Variants in CTNNA2 observed in about 807,000 individuals in gnomAD.
The protein encoded by CTNNA2 is catenin alpha 2, also known as catenin alpha-2.
Under a neutral mutation model 101.0 loss-of-function variants are expected in CTNNA2, and 42 were observed. The observed-to-expected ratio is 0.42, with a 90% CI of 0.32 to 0.54. The LOEUF (loss-of-function observed/expected upper bound fraction) is 0.54. Among genes scored for constraint, CTNNA2 ranks in the 20% least tolerant of loss-of-function variants. The probability of loss-of-function intolerance (pLI) is 0.14; values close to 1 mark genes in which losing one functional copy is unlikely to be tolerated. For synonymous variants in CTNNA2, 450 were observed against 456.4 expected, an observed-to-expected ratio of 0.99 and a Z score of 0.18; for missense variants, 871 against 1,223.1, an observed-to-expected ratio of 0.71 and a Z score of 4.29.
chr2:79,185,380 C>A (rs1040708223), exon 1 of CTNNA2: 2 of 151,648 alleles, frequency 1.3e-5, no homozygotes, highest in Non-Finnish European at 2.9e-5. Flanking sequence ...TTGTGCTAGT[C>A]CATCTCAAAT....
At chr2:79,292,728 G>GAGCTAACAAATAAC (rs1287902239) in intron 2 of CTNNA2, among the ~76,000 whole-genome samples, 1 of 152,198 alleles carries the variant, frequency 6.6e-6, no homozygotes, top group Non-Finnish European at 1.5e-5. Flanking sequence ...TTAGAGATCA[G>GAGCTAACAAATAAC]AGCTAACAAA....
chr2:79,539,120 A>G (rs1673249550), intron 1 of CTNNA2, among the ~76,000 whole-genome samples: 1 of 152,232 alleles, frequency 6.6e-6, no homozygotes, highest in African/African-American at 2.4e-5. Flanking sequence ...CAGCAGACAG[A>G]GACCTGGGAG....
At chr2:79,545,629 A>T (rs551175175) in intron 1 of CTNNA2, among the ~76,000 whole-genome samples, 38 of 152,088 alleles carry the variant, frequency 2.5e-4, no homozygotes, top group Middle Eastern at 3.4e-3. Context: ...TTCTTTTTTT[A>T]AAAAAAATAT....
chr2:79,331,210 T>C (rs534068017), intron 3 of CTNNA2, among the ~76,000 whole-genome samples: 127 of 152,212 alleles, frequency 8.3e-4, no homozygotes, highest in African/African-American at 2.3e-3. Flanking sequence ...CTACCCACAC[T>C]CCCTGCCAGT....
chr2:80,163,168 A>G lies in CTNNA2; in HGVS notation c.1057-230043A>G, dbSNP rs535857631. 7.6e-6 allele frequency: 11 copies of G among 1,450,868 alleles called. No individual in the cohort carries two copies. The African/African-American group carries it at 1.1e-4, about 15-fold the overall frequency. 89.9% of individuals were successfully genotyped at this position (1,450,868 alleles called of 1,614,324 possible). On this transcript the variant is annotated intron_variant, in intron 7 of 18. Transcript: ENST00000402739. ...GCCCAGCCTGGTGGAAAACCTCGAAAAGGAGCTCCTCGGTCACTTTCATTT... is the reference window on the plus strand; with the variant it reads ...GCCCAGCCTGGTGGAAAACCTCGAAGAGGAGCTCCTCGGTCACTTTCATTT...
Position 79,908,821 on chromosome 2 carries a change from T to G in CTNNA2, c.853-773T>G, listed in dbSNP as rs545977977. Among the ~76,000 whole-genome samples, 4 of 152,322 alleles carry G rather than the reference T, an allele frequency of 2.6e-5. No individual in the cohort carries two copies. In the South Asian group the frequency reaches 8.3e-4, roughly 32 times the overall value. ...AGATCCCTATAAAGACTGTTATAGC[T>G]CCTGAATTTTGGACGCATATTTCCA... is the stretch of plus-strand genomic sequence containing the variant. On this transcript the variant is annotated intron_variant, in intron 6 of 18. Coordinates refer to ENST00000402739, the MANE Select transcript of CTNNA2 (RefSeq NM_001282597.3).
rs563450154 is a variant in CTNNA2, at chr2:80,514,581, A to C, written c.1291-30401A>C. On this transcript the variant is annotated intron_variant, in intron 9 of 18. Transcript: ENST00000402739. The stretch of plus-strand genomic sequence containing the variant: ...ATGTTAGATGTGGGGAATTTTATTT[A>C]GTGATGGAAAAGGCTCTCAGAAGAG... 3.9e-5 allele frequency among the ~76,000 whole-genome samples: 6 copies of C among 152,168 alleles called. No individual in the cohort carries two copies. In the East Asian group the frequency reaches 9.7e-4, roughly 25 times the overall value.
chr2:79,416,299 G>A (rs963691136), intron 4 of CTNNA2, among the ~76,000 whole-genome samples: 1 of 111,692 alleles, frequency 9.0e-6, no homozygotes, highest in Non-Finnish European at 1.7e-5. Context: ...AAAAAGCAAT[G>A]TCTCCAAGTT....
At chr2:80,472,221 T>C (rs1250078081) in intron 9 of CTNNA2, among the ~76,000 whole-genome samples, 1 of 152,068 alleles carries the variant, frequency 6.6e-6, no homozygotes, top group East Asian at 1.9e-4. Flanking sequence ...AGAGAGTTAC[T>C]ATGAGAGCCT....
chr2:79,205,779 C>A (rs1016990574), intron 2 of CTNNA2, among the ~76,000 whole-genome samples: 2 of 152,156 alleles, frequency 1.3e-5, no homozygotes, highest in Admixed American at 6.5e-5. Flanking sequence ...CTATAAATAT[C>A]TTTTTCCTGA....
At chr2:80,133,060 G>C (rs1702499181) in intron 7 of CTNNA2, among the ~76,000 whole-genome samples, 1 of 152,178 alleles carries the variant, frequency 6.6e-6, no homozygotes, top group South Asian at 2.1e-4. Flanking sequence ...CATTAGATGG[G>C]ACCTAATTTA....
chr2:79,809,035 C>T (rs759586389), intron 3 of CTNNA2, among the ~76,000 whole-genome samples: 5 of 152,028 alleles, frequency 3.3e-5, no homozygotes, highest in African/African-American at 7.2e-5. Context: ...TGAGAACATG[C>T]GGTGTTTGGT....
chr2:79,786,735 A>G (rs1674878156), intron 3 of CTNNA2, among the ~76,000 whole-genome samples: 2 of 152,054 alleles, frequency 1.3e-5, no homozygotes, highest in Middle Eastern at 3.2e-3. Flanking sequence ...TTCAGCAACA[A>G]TTTCTTATAA....
intron 7 of CTNNA2, among the ~76,000 whole-genome samples, chr2:80,270,736 G>A (rs987875436): frequency 3.9e-5 from 6 of 151,904 alleles, no homozygotes; most frequent in African/African-American, 1.5e-4. Flanking sequence ...ACACCTATCA[G>A]GTAAACATGT....
At chr2:80,137,778 G>A (rs372144651) in intron 7 of CTNNA2, among the ~76,000 whole-genome samples, 7 of 151,922 alleles carry the variant, frequency 4.6e-5, no homozygotes, top group East Asian at 1.9e-4. Flanking sequence ...ATAAACTAGG[G>A]CATTTCTATT....
At chr2:80,393,081 A>C in intron 7 of CTNNA2, 130 bp from the exon 8 acceptor site, 1 of 616,798 alleles carries the variant, frequency 1.6e-6, no homozygotes, top group Non-Finnish European at 2.8e-6. Flanking sequence ...TGTTATAGTT[A>C]TGTATTGAAA....
At chr2:79,812,310 TC>T (rs1677106124) in intron 3 of CTNNA2, among the ~76,000 whole-genome samples, 1 of 152,186 alleles carries the variant, frequency 6.6e-6, no homozygotes, top group African/African-American at 2.4e-5. Context: ...CTTACCTTGT[TC>T]CTGATATTAG....
chr2:79,657,116 G>A (rs1273449253), intron 2 of CTNNA2, among the ~76,000 whole-genome samples: 1 of 151,722 alleles, frequency 6.6e-6, no homozygotes, highest in Non-Finnish European at 1.5e-5. Flanking sequence ...GGAATCACTA[G>A]AATAGAATGC....
In CTNNA2 at chr2:80,306,363, TTTTC is replaced by T. The variant is rs1284072721; in HGVS notation, c.1057-86832_1057-86829del. On this transcript the variant is annotated intron_variant, in intron 7 of 18. Coordinates refer to ENST00000402739, the MANE Select transcript of CTNNA2 (RefSeq NM_001282597.3). ...CAGCTTGCAACTGGCACAGATGGTT[TTTTC>T]TTTCTTTCTTTCTTTTCTTTTCTTT... Among the ~76,000 whole-genome samples, 517 of 148,674 alleles carry T rather than the reference TTTTC, an allele frequency of 3.5e-3. 4 individuals are homozygous for T. Among genetic ancestry groups the T allele is most frequent in the Middle Eastern group, 0.014 (4 of 290 alleles).
Sources: allele counts gnomAD v4.1 joint callset (sites outside exome capture counted in the v4.1 genomes callset), GRCh38; gene constraint gnomAD v4.1.1; transcripts MANE v1.5; gene names NCBI Gene and HGNC (gene_info 2026-07-23, HGNC 2026-07-21).